Variants in FABP3 observed in about 807,000 individuals in gnomAD.
FABP3 encodes fatty acid-binding protein, heart.
FABP3 carries 8 observed loss-of-function variants against 13.4 expected under a neutral mutation model. That is an observed-to-expected ratio of 0.60 (90% CI 0.35 to 1.07). FABP3 has a LOEUF of 1.07. Among genes scored for constraint, FABP3 ranks in the 50% least tolerant of loss-of-function variants. The pLI, the probability that FABP3 is intolerant of heterozygous loss-of-function variation, is 0.02. For synonymous variants in FABP3, 64 were observed against 60.0 expected (o/e 1.07, Z -0.31); for missense variants, 135 against 164.7 (o/e 0.82, Z 0.99).
Position 31,365,885 on chromosome 1 carries a change from G to A in FABP3, c.*1C>T, listed in dbSNP as rs1397503266. ...TAGTAGTCAGCAACAGTGCAGTCAG[G>A]TCATGCCTCTTTCTCATAAGTGCGA... On this transcript the variant is annotated 3_prime_UTR_variant, in exon 4 of 4. Coordinates refer to ENST00000373713, the MANE Select transcript of FABP3 (RefSeq NM_004102.5). 2 of 1,613,890 alleles carry A rather than the reference G, an allele frequency of 1.2e-6. No individual in the cohort carries two copies. The highest frequency in any genetic ancestry group is 1.1e-5 in the South Asian group (1 of 91,064).
At chr1:31,366,046 C>T (rs1260346521) in intron 3 of FABP3, 107 bp from the exon 4 acceptor site, 8 of 908,698 alleles carry the variant, frequency 8.8e-6, no homozygotes, top group East Asian at 2.7e-5. Context: ...CTACTATGTG[C>T]CGGCTATATG....
At chr1:31,364,066 C>T (rs542115314), downstream of FABP3, 1 of 1,613,692 alleles carries the variant, frequency 6.2e-7, no homozygotes, top group South Asian at 1.1e-5. Context: ...GATAGGAAGT[C>T]ATCTGACTCT....
chr1:31,360,310 C>G (rs1639828080), downstream of FABP3, among the ~76,000 whole-genome samples: 1 of 152,242 alleles, frequency 6.6e-6, no homozygotes, highest in Non-Finnish European at 1.5e-5. Flanking sequence ...GCTGGGATTA[C>G]AGGCATGTGC....
intron 2 of FABP3, 130 bp downstream of exon 2, chr1:31,369,255 T>G: frequency 1.0e-6 from 1 of 970,998 alleles, no homozygotes; most frequent in Non-Finnish European, 1.6e-6. Context: ...GCTTTATGAA[T>G]CTTGTTTCAT....
At chr1:31,363,235 G>T (rs1323796576), downstream of FABP3, among the ~76,000 whole-genome samples, 1 of 149,148 alleles carries the variant, frequency 6.7e-6, no homozygotes, top group African/African-American at 2.5e-5. Context: ...CAAGGCTGGA[G>T]TGCAGTGGCA....
At chr1:31,369,592 T>C in intron 1 of FABP3, 35 bp from the exon 2 acceptor site, 1 of 1,607,250 alleles carries the variant, frequency 6.2e-7, no homozygotes, top group South Asian at 1.1e-5. Context: ...GTATATGAGC[T>C]GGGGTAGAGA....
intron 3 of FABP3, 148 bp downstream of exon 3, chr1:31,367,245 T>G (rs1640129381): frequency 1.4e-6 from 1 of 721,428 alleles, no homozygotes; most frequent in East Asian, 2.5e-5. Context: ...CACAGAAAAT[T>G]CCCACCTGAT....
the FABP3 span, among the ~76,000 whole-genome samples, chr1:31,360,155 T>TTTAGTAGAGA: frequency 6.6e-6 from 1 of 151,600 alleles, no homozygotes; most frequent in Admixed American, 6.6e-5. Context: ...AATTTTGTTT[T>TTTAGTAGAGA]TGTGTGTGCG....
chr1:31,365,784 T>G lies in FABP3; in HGVS notation c.*102A>C. 1 of 1,058,640 alleles carries G rather than the reference T, an allele frequency of 9.4e-7. No individual in the cohort carries two copies. The highest frequency in any genetic ancestry group is 1.4e-6 in the Non-Finnish European group (1 of 691,442). The allele number at this position is 1,058,640 out of a possible 1,614,324, so 65.6% of individuals were successfully genotyped here. On this transcript the variant is annotated 3_prime_UTR_variant, in exon 4 of 4. Coordinates refer to ENST00000373713, the MANE Select transcript of FABP3 (RefSeq NM_004102.5). ...CAGTGGCACCTGACCCCAGAAGAATTCGTGGATTTGTACAAAATGCAGAGG... is the reference window on the plus strand; with the variant it reads ...CAGTGGCACCTGACCCCAGAAGAATGCGTGGATTTGTACAAAATGCAGAGG...
intron 2 of FABP3, among the ~76,000 whole-genome samples, chr1:31,368,819 C>T (rs1203465438): frequency 1.3e-5 from 2 of 152,190 alleles, no homozygotes; most frequent in Non-Finnish European, 2.9e-5. Flanking sequence ...CTCTTCCTGC[C>T]TGTCAGCTGG....
At chr1:31,366,075 TGTGTGTGTG>T in intron 3 of FABP3, 136 bp from the exon 4 acceptor site, 1 of 584,920 alleles carries the variant, frequency 1.7e-6, no homozygotes, top group East Asian at 2.8e-5. Context: ...TGTGTGTGTG[TGTGTGTGTG>T]TGTGTGTGTG....
At chr1:31,368,589 G>A (rs1640151062) in intron 2 of FABP3, among the ~76,000 whole-genome samples, 1 of 152,156 alleles carries the variant, frequency 6.6e-6, no homozygotes, top group African/African-American at 2.4e-5. Context: ...AGCTGATGGG[G>A]CTGAATGATA....
downstream of FABP3, among the ~76,000 whole-genome samples, chr1:31,360,823 T>G (rs1481145086): frequency 6.6e-6 from 1 of 152,164 alleles, no homozygotes. Flanking sequence ...GAGTTGCAGT[T>G]TTTCCATCTG....
downstream of FABP3, among the ~76,000 whole-genome samples, chr1:31,360,779 C>T (rs1639855862): frequency 6.6e-6 from 1 of 152,100 alleles, no homozygotes; most frequent in South Asian, 2.1e-4. Context: ...GTGGTTTTGC[C>T]GCTTTAGCCT....
At position 31,372,971 on chromosome 1, in the gene FABP3, T is replaced by TTGC; in HGVS notation, c.41_43dup (p.Ser14dup). On this transcript the variant is annotated inframe_insertion, in exon 1 of 4. Coordinates refer to ENST00000373713, the MANE Select transcript of FABP3 (RefSeq NM_004102.5). ...TGACTTCATGTAGTCATCGAAATTC[T>TTGC]TGCTGTCCACTAGCTTCCAGGTGCC... 6.2e-7 allele frequency: 1 copy of TTGC among 1,613,988 alleles called. No individual in the cohort carries two copies. Among genetic ancestry groups the TTGC allele is most frequent in the Non-Finnish European group, 8.5e-7 (1 of 1,180,046 alleles).
Position 31,367,383 on chromosome 1 carries a change from C to G in FABP3, c.348+10G>C, listed in dbSNP as rs1482177200. The G allele has an allele frequency of 6.2e-7, 1 of 1,609,572 alleles. No homozygotes were observed. The highest frequency in any genetic ancestry group is 8.5e-7 in the Non-Finnish European group (1 of 1,175,874). ...CCAATCAGATATAGCTCCAAAGTTG[C>G]CCATCTTACCAGGATGAGTTTTCCA... On this transcript the variant is annotated intron_variant, in intron 3 of 3. Coordinates refer to ENST00000373713, the MANE Select transcript of FABP3 (RefSeq NM_004102.5).
chr1:31,364,249 T>C, downstream of FABP3: 5 of 1,558,474 alleles, frequency 3.2e-6, no homozygotes, highest in Non-Finnish European at 4.3e-6. Context: ...CCTTGTGCCT[T>C]GAGACTCCTG....
chr1:31,365,339 C>T lies in FABP3; in HGVS notation c.*547G>A, dbSNP rs955070173. ...AGCATTTCACAGAGAACAGCCAGACCCAAGAGCTTTCAGTGTAGGATGGGC... is the reference window on the plus strand; with the variant it reads ...AGCATTTCACAGAGAACAGCCAGACTCAAGAGCTTTCAGTGTAGGATGGGC... On this transcript the variant is annotated 3_prime_UTR_variant, in exon 4 of 4. Coordinates refer to ENST00000373713, the MANE Select transcript of FABP3 (RefSeq NM_004102.5). Among the ~76,000 whole-genome samples the T allele has an allele frequency of 1.3e-5, 2 of 152,108 alleles. No individual in the cohort carries two copies. Among genetic ancestry groups the T allele is most frequent in the Admixed American group, 1.3e-4 (2 of 15,264 alleles).
rs1640236407 is a variant in FABP3 at position 31,373,047 on chromosome 1, A to G, written c.-33T>C. On this transcript the variant is annotated 5_prime_UTR_variant, in exon 1 of 4. Coordinates refer to ENST00000373713, the MANE Select transcript of FABP3 (RefSeq NM_004102.5). Reference sequence around the variant, plus strand: ...CTGGGCTAGGCTGAGAGAAGCTACAAGAGAGCAGGCGTGCAAGGGCTCCGA... The same window carrying G: ...CTGGGCTAGGCTGAGAGAAGCTACAGGAGAGCAGGCGTGCAAGGGCTCCGA... The G allele has an allele frequency of 1.2e-6, 2 of 1,609,918 alleles. No homozygotes were observed. Among genetic ancestry groups the G allele is most frequent in the Middle Eastern group, 1.6e-4 (1 of 6,080 alleles).
Sources: gnomAD v4.1 joint callset for allele counts (sites outside exome capture counted in the v4.1 genomes callset) on GRCh38, gnomAD v4.1.1 for gene constraint, MANE v1.5 for transcripts, NCBI Gene and HGNC (gene_info 2026-07-23, HGNC 2026-07-21) for gene names.